The following SI variants were observed in gnomAD, a reference collection of about 807,000 sequenced individuals.
SI encodes sucrase-isomaltase.
In SI, 235 loss-of-function variants were observed where a neutral mutation model predicts 253.3. The ratio of observed to expected loss-of-function variants is 0.93; its 90% confidence interval spans 0.83 to 1.03. SI has a LOEUF of 1.03. Ranked by LOEUF, SI falls within the 50% of genes least tolerant of loss-of-function variation. SI has a pLI of 0.00. For missense variants in SI, 2,442 were observed against 2,211.1 expected (o/e 1.10, Z -2.09); for synonymous variants, 819 against 712.0 (o/e 1.15, Z -2.39).
intron 21 of SI, among the ~76,000 whole-genome samples, chr3:165,037,688 G>T (rs1013888152): frequency 6.6e-6 from 1 of 151,526 alleles, no homozygotes; most frequent in African/African-American, 2.4e-5. Context: ...TAACTTCTAA[G>T]TAAATTAGAA....
intron 38 of SI, among the ~76,000 whole-genome samples, chr3:164,997,937 G>A (rs988466207): frequency 6.6e-5 from 10 of 151,630 alleles, no homozygotes; most frequent in African/African-American, 2.4e-4. Context: ...GCGAACTGGC[G>A]AATTCCATGT....
chr3:164,982,438 A>C (rs1246673349), intron 46 of SI, 28 bp from the exon 47 acceptor site: 1 of 1,542,880 alleles, frequency 6.5e-7, no homozygotes, highest in Non-Finnish European at 8.9e-7. Flanking sequence ...GGAATAACAT[A>C]AACACTTTAT....
intron 40 of SI, among the ~76,000 whole-genome samples, chr3:164,995,286 T>C (rs1239422832): frequency 6.6e-6 from 1 of 151,748 alleles, no homozygotes; most frequent in Non-Finnish European, 1.5e-5. Context: ...ATCTTGAAAG[T>C]AAAAATGGTC....
At chr3:165,040,818 C>T (rs998464388) in intron 18 of SI, 122 bp downstream of exon 18, 1 of 747,128 alleles carries the variant, frequency 1.3e-6, no homozygotes, top group Non-Finnish European at 2.3e-6. Context: ...ATCATTTACA[C>T]CAATGTAAAA....
chr3:165,021,473 G>A (rs1356098158), intron 26 of SI, 90 bp from the exon 27 acceptor site: 8 of 984,546 alleles, frequency 8.1e-6, no homozygotes, highest in Non-Finnish European at 1.1e-5. Flanking sequence ...GCTCAAACAA[G>A]AATATTTAGA....
intron 10 of SI, among the ~76,000 whole-genome samples, chr3:165,059,588 T>C (rs1713886738): frequency 6.6e-6 from 1 of 151,966 alleles, no homozygotes; most frequent in South Asian, 2.1e-4. Flanking sequence ...AATACACTTT[T>C]CAGAAAATTT....
rs919010610 is a variant in SI, at chr3:165,078,235, T to C, written c.-1+198A>G. Among the ~76,000 whole-genome samples the C allele has an allele frequency of 6.6e-5, 10 of 151,620 alleles. No individual in the cohort carries two copies. In the South Asian group the frequency reaches 2.1e-3, roughly 31 times the overall value. The stretch of plus-strand genomic sequence containing the variant: ...TGAAGAGTTGGGCCAAAAAAAATCC[T>C]GTATTTAAAAAAAAATTAGAAATAT... On this transcript the variant is annotated intron_variant, in intron 1 of 47. Transcript: ENST00000264382.
chr3:165,049,166 T>A lies in SI; in HGVS notation c.1676A>T (p.His559Leu). 6.2e-7 allele frequency: 1 copy of A among 1,611,066 alleles called. No individual in the cohort carries two copies. The highest frequency in any genetic ancestry group is 8.5e-7 in the Non-Finnish European group (1 of 1,177,376). The change falls in exon 15 of 48, where the codon CAT becomes CTT. Residue 559 changes from histidine to leucine, a missense_variant. Coordinates refer to ENST00000264382, the MANE Select transcript of SI (RefSeq NM_001041.4). ...AGCCATGCTGTATCCATAGAGGCTA[T>A]GAACATCATACTGTTTACCCCAGTT... ...VQNWGKQYDVHSLYGYSMAIA... is the reference protein window; with the variant it reads ...VQNWGKQYDVLSLYGYSMAIA...
chr3:165,060,158 C>T, intron 9 of SI, 131 bp from the exon 10 acceptor site: 1 of 777,576 alleles, frequency 1.3e-6, no homozygotes, highest in East Asian at 2.7e-5. Flanking sequence ...TTAAACAAAC[C>T]TTTAGTGTTA....
intron 1 of SI, among the ~76,000 whole-genome samples, chr3:165,077,090 C>T (rs140843090): frequency 0.01 from 1,552 of 149,782 alleles, 26 homozygotes; most frequent in African/African-American, 0.036. Context: ...ATATGTTTTA[C>T]AACATTCAAT....
Position 165,019,246 on chromosome 3 carries a change from A to G in SI, c.3423+356T>C, listed in dbSNP as rs370490971. Among the ~76,000 whole-genome samples the G allele has an allele frequency of 9.2e-5, 14 of 152,086 alleles. No individual in the cohort carries two copies. In the East Asian group the frequency reaches 2.3e-3, roughly 25 times the overall value. On this transcript the variant is annotated intron_variant, in intron 28 of 47. Transcript: ENST00000264382. ...AATCAGTACCTGAGAAGTAAAAACA[A>G]TCAAGGAAAACTTTAGGCAGTTATT... is the stretch of plus-strand genomic sequence containing the variant.
intron 33 of SI, 31 bp from the exon 34 acceptor site, chr3:165,013,073 C>A (rs1237197400): frequency 7.3e-7 from 1 of 1,379,066 alleles, no homozygotes; most frequent in South Asian, 1.2e-5. Context: ...AAAAGCTGAT[C>A]AAAACATAGT....
chr3:165,034,751 G>C (rs944314234), intron 22 of SI, among the ~76,000 whole-genome samples: 1 of 151,954 alleles, frequency 6.6e-6, no homozygotes, highest in Non-Finnish European at 1.5e-5. Context: ...CAAATAATAA[G>C]CTCTCTAGGT....
intron 15 of SI, among the ~76,000 whole-genome samples, chr3:165,048,595 A>AGAGG (rs978894930): frequency 4.7e-5 from 7 of 147,948 alleles, no homozygotes; most frequent in Non-Finnish European, 8.9e-5. Context: ...AGAGAGAGAG[A>AGAGG]GAGAGAGAGA....
intron 45 of SI, among the ~76,000 whole-genome samples, chr3:164,983,783 G>A (rs1184088913): frequency 6.6e-6 from 1 of 151,712 alleles, no homozygotes; most frequent in African/African-American, 2.4e-5. Flanking sequence ...TGTAGAGGCA[G>A]GTTCTCCCTA....
chr3:165,002,510 T>C (rs369484494), intron 37 of SI, among the ~76,000 whole-genome samples: 1 of 151,736 alleles, frequency 6.6e-6, no homozygotes, highest in Non-Finnish European at 1.5e-5. Context: ...ATGTCAAATA[T>C]GTGGCAGTTT....
chr3:165,001,569 C>A lies in SI; in HGVS notation c.4407-2896G>T, dbSNP rs868164157. Among the ~76,000 whole-genome samples the A allele has an allele frequency of 8.6e-5, 13 of 151,440 alleles. No homozygotes were observed. In the South Asian group the frequency reaches 1.2e-3, roughly 15 times the overall value. ...AAGAAGACAATGTGAAACACTATAT[C>A]ATGGAAAGAGTTTTATAGATTCATA... On this transcript the variant is annotated intron_variant, in intron 37 of 47. Coordinates refer to ENST00000264382, the MANE Select transcript of SI (RefSeq NM_001041.4).
chr3:165,013,084 C>T (rs369064720), intron 33 of SI, 42 bp from the exon 34 acceptor site: 34 of 1,238,886 alleles, frequency 2.7e-5, no homozygotes, highest in Non-Finnish European at 3.9e-5. Flanking sequence ...AAAACATAGT[C>T]AGCATGATAT....
rs1046402803 is a variant in SI at position 165,025,044 on chromosome 3, A to G, written c.2893-1268T>C. 2.6e-5 allele frequency among the ~76,000 whole-genome samples: 4 copies of G among 151,100 alleles called. No homozygotes were observed. In the Admixed American group the frequency reaches 2.7e-4, roughly 10 times the overall value. On this transcript the variant is annotated intron_variant, in intron 25 of 47. Coordinates refer to ENST00000264382, the MANE Select transcript of SI (RefSeq NM_001041.4). ...ATTGGCTTCCAGGACCCAGCATGTTATTTCCAACCCAATACTTGAGCTGTT... is the reference window on the plus strand; with the variant it reads ...ATTGGCTTCCAGGACCCAGCATGTTGTTTCCAACCCAATACTTGAGCTGTT...
Sources: gnomAD v4.1 joint callset for allele counts (sites outside exome capture counted in the v4.1 genomes callset) on GRCh38, gnomAD v4.1.1 for gene constraint, MANE v1.5 for transcripts, NCBI Gene and HGNC (gene_info 2026-07-23, HGNC 2026-07-21) for gene names.